Variants in CCS observed in about 807,000 individuals in gnomAD.
CCS encodes superoxide dismutase copper chaperone.
Under a neutral mutation model 35.5 loss-of-function variants are expected in CCS, and 32 were observed. That is an observed-to-expected ratio of 0.90 (90% CI 0.68 to 1.21). The LOEUF is 1.21. CCS is among the 50% of genes most tolerant of loss of function. CCS has a pLI of 0.00. For synonymous variants in CCS, 130 were observed against 147.2 expected (o/e 0.88, Z 0.84); for missense variants, 342 against 375.4 (o/e 0.91, Z 0.73).
In CCS at chr11:66,599,149, A is replaced by G. The variant is rs1186656903; in HGVS notation, c.146A>G (p.Gln49Arg). Residue 49 changes from glutamine to arginine, a missense_variant, in exon 3 of 8, where the codon CAG becomes CGG. Physicochemically the swap from Gln to Arg is conservative, Grantham distance 43. Coordinates refer to ENST00000533244, the MANE Select transcript of CCS (RefSeq NM_005125.2). ...GATGTGGAGGTGCACTTGGAGGACCAGATGGTCTTGGTACACACCACTCTA... is the reference window on the plus strand; with the variant it reads ...GATGTGGAGGTGCACTTGGAGGACCGGATGGTCTTGGTACACACCACTCTA... The part of the protein sequence containing the change: ...VQDVEVHLED[Q>R]MVLVHTTLPS... The G allele has an allele frequency of 1.2e-6, 2 of 1,614,146 alleles. No homozygotes were observed.
intron 2 of CCS, 109 bp downstream of exon 2, chr11:66,593,823 C>A: frequency 9.9e-7 from 1 of 1,009,218 alleles, no homozygotes; most frequent in Non-Finnish European, 1.5e-6. Flanking sequence ...GAAAGTGAAC[C>A]CCAGAGAGTG....
intron 5 of CCS, among the ~76,000 whole-genome samples, chr11:66,602,124 A>G (rs1858581298): frequency 1.3e-5 from 2 of 152,250 alleles, no homozygotes. Context: ...GCACAGTGCC[A>G]TGCTTATGCT....
chr11:66,602,445 T>A (rs1439738991), intron 5 of CCS, among the ~76,000 whole-genome samples: 1 of 151,954 alleles, frequency 6.6e-6, no homozygotes, highest in Non-Finnish European at 1.5e-5. Flanking sequence ...TCAGAGTGAA[T>A]GAGCGAGAGA....
In CCS at chr11:66,593,288, G is replaced by T. The variant is rs1425999785; in HGVS notation, c.27G>T (p.Gly9=). ...TGGCTTCGGATTCGGGGAACCAGGG[G>T]ACCCTCTGCACGGTGAGGGTCGAGG... MASDSGNQ[G]TLCTLEFAVQ... is the part of the protein sequence containing the mutation. Residue 9 remains glycine (G), a synonymous_variant, in exon 1 of 8, where the codon GGG becomes GGT. Transcript: ENST00000533244. 1 of 1,555,902 alleles carries T rather than the reference G, an allele frequency of 6.4e-7. No homozygotes were observed. Among genetic ancestry groups the T allele is most frequent in the South Asian group, 1.2e-5 (1 of 84,212 alleles).
Position 66,593,193 on chromosome 11 carries a change from C to T in CCS, c.-69C>T. 3.3e-6 allele frequency: 5 copies of T among 1,524,734 alleles called. No homozygotes were observed. Among genetic ancestry groups the T allele is most frequent in the Non-Finnish European group, 4.4e-6 (5 of 1,126,486 alleles). The allele number at this position is 1,524,734 out of a possible 1,614,324, so 94.5% of individuals were successfully genotyped here. On this transcript the variant is annotated 5_prime_UTR_variant, in exon 1 of 8. Transcript: ENST00000533244. ...GGTGGCTTTAGAGGCTCAGTCCCCG[C>T]GACGCCGCGCTGGTTGGTGCTCCTG...
At chr11:66,600,578 G>T (rs1431316629) in intron 5 of CCS, 29 bp downstream of exon 5, 2 of 1,361,468 alleles carry the variant, frequency 1.5e-6, no homozygotes, top group South Asian at 1.5e-5. Context: ...TTGGGCTTGG[G>T]CTGAGAGAGG....
chr11:66,602,841 G>T (rs1306491931), intron 5 of CCS, among the ~76,000 whole-genome samples: 1 of 152,260 alleles, frequency 6.6e-6, no homozygotes, highest in Non-Finnish European at 1.5e-5. Flanking sequence ...AACTGAGCAG[G>T]AGCTGACCAG....
At chr11:66,595,638 T>C (rs1858465011) in intron 2 of CCS, among the ~76,000 whole-genome samples, 2 of 151,988 alleles carry the variant, frequency 1.3e-5, no homozygotes. Flanking sequence ...GCTCACCCCC[T>C]TGAATCTCTA....
intron 2 of CCS, among the ~76,000 whole-genome samples, chr11:66,595,378 C>A (rs926537923): frequency 2.0e-5 from 3 of 152,084 alleles, no homozygotes; most frequent in African/African-American, 7.2e-5. Flanking sequence ...TACTTGCTTG[C>A]GAGGAGAGCA....
chr11:66,604,195 A>C (rs1858616451), intron 5 of CCS, among the ~76,000 whole-genome samples: 1 of 152,116 alleles, frequency 6.6e-6, no homozygotes, highest in Non-Finnish European at 1.5e-5. Context: ...ACACCATTGC[A>C]TTCCAGCCTG....
At chr11:66,599,066 C>G (rs1341031442) in intron 2 of CCS, 50 bp from the exon 3 acceptor site, 1 of 1,612,252 alleles carries the variant, frequency 6.2e-7, no homozygotes, top group Admixed American at 1.7e-5. Flanking sequence ...TCCCTGCTGC[C>G]AGCACTGGGT....
At chr11:66,600,611 C>A in intron 5 of CCS, 62 bp downstream of exon 5, 2 of 831,762 alleles carry the variant, frequency 2.4e-6, no homozygotes, top group Non-Finnish European at 3.7e-6. Context: ...AGAGGCAGGG[C>A]AGGCAGCTCT....
chr11:66,605,530 A>C lies in CCS; in HGVS notation c.609A>C (p.Gly203=). The C allele has an allele frequency of 6.2e-7, 1 of 1,614,062 alleles. No homozygotes were observed. The highest frequency in any genetic ancestry group is 8.5e-7 in the Non-Finnish European group (1 of 1,179,994). The change falls in exon 7 of 8, where the codon GGA becomes GGC. Residue 203 remains glycine (G), a synonymous_variant. Coordinates refer to ENST00000533244, the MANE Select transcript of CCS (RefSeq NM_005125.2). ...VIGRSLIIDE[G]EDDLGRGGHP... ...GCCGCAGCCTGATTATTGATGAGGG[A>C]GAAGATGACCTGGGCCGGGGAGGCC...
intron 2 of CCS, among the ~76,000 whole-genome samples, chr11:66,595,538 TACAC>T (rs1858462309): frequency 6.6e-6 from 1 of 152,032 alleles, no homozygotes; most frequent in Non-Finnish European, 1.5e-5. Flanking sequence ...TTTTCTAGAA[TACAC>T]ACACACAGAG....
intron 2 of CCS, among the ~76,000 whole-genome samples, chr11:66,594,858 C>T (rs1363534303): frequency 6.6e-6 from 1 of 151,794 alleles, no homozygotes; most frequent in Non-Finnish European, 1.5e-5. Context: ...GAGAAGAGTT[C>T]ACATGGGTAT....
At chr11:66,593,743 C>T in intron 2 of CCS, 29 bp downstream of exon 2, 2 of 1,605,038 alleles carry the variant, frequency 1.2e-6, no homozygotes, top group Non-Finnish European at 1.7e-6. Context: ...TTTCTGCAGA[C>T]AGTCCAGAAG....
chr11:66,598,791 A>G (rs1858523524), intron 2 of CCS, among the ~76,000 whole-genome samples: 1 of 152,108 alleles, frequency 6.6e-6, no homozygotes, highest in Non-Finnish European at 1.5e-5. Flanking sequence ...GAATAATGCC[A>G]CTATGGATAG....
chr11:66,600,455 G>A (rs201894096), intron 4 of CCS, 34 bp from the exon 5 acceptor site: 105 of 1,429,220 alleles, frequency 7.3e-5, no homozygotes, highest in Non-Finnish European at 9.7e-5. Flanking sequence ...CCTGTGAGCT[G>A]CTTTCCTGCC....
At chr11:66,605,131 C>A in intron 5 of CCS, 1 of 1,527,128 alleles carries the variant, frequency 6.5e-7, no homozygotes, top group Non-Finnish European at 8.8e-7. Context: ...TCCGGGACTT[C>A]CTGGACCACT....
Sources: allele counts gnomAD v4.1 joint callset (sites outside exome capture counted in the v4.1 genomes callset), GRCh38; gene constraint gnomAD v4.1.1; transcripts MANE v1.5; gene names NCBI Gene and HGNC (gene_info 2026-07-23, HGNC 2026-07-21).